RBM26: variants seen among roughly 807,000 people sequenced by gnomAD.
The protein encoded by RBM26 is RNA-binding protein 26.
Under a neutral mutation model 123.6 loss-of-function variants are expected in RBM26, and 30 were observed. The ratio of observed to expected loss-of-function variants is 0.24; its 90% confidence interval spans 0.18 to 0.33. The LOEUF is 0.33. Ranked by LOEUF, RBM26 falls within the 10% of genes least tolerant of loss-of-function variation. RBM26 has a pLI of 1.00. For missense variants in RBM26, 947 were observed against 1,203.6 expected (o/e 0.79, Z 3.15); for synonymous variants, 400 against 404.4 (o/e 0.99, Z 0.13).
intron 2 of RBM26, among the ~76,000 whole-genome samples, chr13:79,378,500 C>T (rs943540045): frequency 7.2e-5 from 11 of 152,086 alleles, no homozygotes; most frequent in Non-Finnish European, 1.5e-4. Context: ...AGTGCAGTAG[C>T]GCGATCTCAG....
intron 20 of RBM26, among the ~76,000 whole-genome samples, chr13:79,331,565 G>A (rs953350097): frequency 6.6e-6 from 1 of 151,728 alleles, no homozygotes; most frequent in African/African-American, 2.4e-5. Context: ...AGCCAAGAGA[G>A]GCGGAGCTTG....
chr13:79,324,344 G>A (rs1355313773), intron 20 of RBM26, among the ~76,000 whole-genome samples: 1 of 151,540 alleles, frequency 6.6e-6, no homozygotes, highest in African/African-American at 2.4e-5. Flanking sequence ...CACTTTTCTT[G>A]AATGGCCATA....
At chr13:79,380,798 G>C (rs1490309102) in intron 1 of RBM26, among the ~76,000 whole-genome samples, 2 of 151,842 alleles carry the variant, frequency 1.3e-5, no homozygotes, top group African/African-American at 4.8e-5. Flanking sequence ...CCCAGCATTT[G>C]GTAACCACTA....
intron 1 of RBM26, among the ~76,000 whole-genome samples, chr13:79,400,813 C>A (rs1400544647): frequency 6.6e-6 from 1 of 152,108 alleles, no homozygotes; most frequent in Non-Finnish European, 1.5e-5. Context: ...TGATTGGTAA[C>A]ACTGAGGTAA....
At chr13:79,381,051 C>T (rs1160385294) in intron 1 of RBM26, among the ~76,000 whole-genome samples, 2 of 151,972 alleles carry the variant, frequency 1.3e-5, no homozygotes, top group Non-Finnish European at 2.9e-5. Flanking sequence ...TAGTTAATTA[C>T]TAACACTTAC....
chr13:79,360,607 A>C (rs2074564576), intron 9 of RBM26, among the ~76,000 whole-genome samples: 1 of 152,092 alleles, frequency 6.6e-6, no homozygotes, highest in Admixed American at 6.6e-5. Context: ...CTAATCCAAT[A>C]ATCTTTGAGA....
chr13:79,379,126 A>G (rs1435945688), intron 1 of RBM26, among the ~76,000 whole-genome samples: 1 of 152,180 alleles, frequency 6.6e-6, no homozygotes. Flanking sequence ...ACCCATCAGT[A>G]TATTAGTTTA....
chr13:79,353,495 TA>T (rs2073554519), intron 13 of RBM26, among the ~76,000 whole-genome samples: 2 of 152,190 alleles, frequency 1.3e-5, no homozygotes, highest in South Asian at 4.1e-4. Flanking sequence ...TGACACAGAA[TA>T]AATTAGGAGA....
rs776461225 is a variant in RBM26, at chr13:79,358,256, C to G, written c.1689+18G>C. 2 of 1,561,314 alleles carry G rather than the reference C, an allele frequency of 1.3e-6. No homozygotes were observed. On this transcript the variant is annotated intron_variant, in intron 11 of 21. Coordinates refer to ENST00000438737, the MANE Select transcript of RBM26 (RefSeq NM_001366735.2). Reference sequence around the variant, plus strand: ...TAAACAGAAAGAAGAGATAACAAAACCATTTCATGGCTCTTACCTGTAAGT... The same window carrying G: ...TAAACAGAAAGAAGAGATAACAAAAGCATTTCATGGCTCTTACCTGTAAGT...
chr13:79,341,140 T>C lies in RBM26; in HGVS notation c.2515A>G (p.Thr839Ala). Residue 839 changes from threonine to alanine, a missense_variant, in exon 18 of 22, where the codon ACA becomes GCA. By Grantham distance (58) the Thr-to-Ala change is moderately conservative. This residue lies in a region of RBM26 where 164 missense variants were observed against 215.3 expected (regional missense o/e 0.76). Transcript: ENST00000438737. ...AAACATACTTCCAGCTGTAATTCTG[T>C]ATACTTTCTCCTAAGTTCAGTGACT... ...EEVTELRRKY[T>A]ELQLEAAKRG... 1 of 1,603,844 alleles carries C rather than the reference T, an allele frequency of 6.2e-7. No individual in the cohort carries two copies. The highest frequency in any genetic ancestry group is 8.5e-7 in the Non-Finnish European group (1 of 1,172,050).
At position 79,342,844 on chromosome 13, in the gene RBM26, TAAA is replaced by T. The variant is rs746681412; in HGVS notation, c.2260-16_2260-14del. 1.3e-6 allele frequency: 2 copies of T among 1,528,608 alleles called. No homozygotes were observed. The highest frequency in any genetic ancestry group is 8.9e-7 in the Non-Finnish European group (1 of 1,121,232). The allele number at this position is 1,528,608 out of a possible 1,614,324, so 94.7% of individuals were successfully genotyped here. A position where few individuals can be genotyped will look rare whatever the true frequency, so the allele number is the denominator to read the frequency against. On this transcript the variant is annotated splice_polypyrimidine_tract_variant and intron_variant, in intron 16 of 21. Coordinates refer to ENST00000438737, the MANE Select transcript of RBM26 (RefSeq NM_001366735.2). ...TTGAAATTAACATCTGCCAAATTTT[TAAA>T]AAGAGAAAAATAAAGCTAATTACTC...
At chr13:79,371,952 AGTGTAC>A in intron 3 of RBM26, 22 bp from the exon 4 acceptor site, 1 of 1,467,104 alleles carries the variant, frequency 6.8e-7, no homozygotes, top group Non-Finnish European at 9.5e-7. Flanking sequence ...AAAAAAAAAA[AGTGTAC>A]AAGTTTAGTA....
Position 79,319,727 on chromosome 13 carries a change from A to C in RBM26, c.*894T>G. 2 of 983,764 alleles carry C rather than the reference A, an allele frequency of 2.0e-6. No homozygotes were observed. Among genetic ancestry groups the C allele is most frequent in the Non-Finnish European group, 2.4e-6 (2 of 828,714 alleles). 60.9% of individuals were successfully genotyped at this position (983,764 alleles called of 1,614,324 possible). A position where few individuals can be genotyped will look rare whatever the true frequency, so the allele number is the denominator to read the frequency against. On this transcript the variant is annotated 3_prime_UTR_variant, in exon 22 of 22. Coordinates refer to ENST00000438737, the MANE Select transcript of RBM26 (RefSeq NM_001366735.2). ...ATTTTAAGACATTTGTTGAAAATTT[A>C]TAGGATCAAACCAAACTCAAGTGGT... is the stretch of plus-strand genomic sequence containing the variant.
intron 5 of RBM26, among the ~76,000 whole-genome samples, chr13:79,369,859 C>T (rs2075699898): frequency 6.6e-6 from 1 of 152,088 alleles, no homozygotes; most frequent in Admixed American, 6.5e-5. Context: ...CAAGATATAA[C>T]ACCTCTGAAA....
intron 1 of RBM26, among the ~76,000 whole-genome samples, chr13:79,396,713 G>A (rs369154837): frequency 2.6e-5 from 4 of 151,928 alleles, no homozygotes; most frequent in South Asian, 2.1e-4. Flanking sequence ...TCAGAAAAAC[G>A]GAGGATAGAA....
intron 14 of RBM26, among the ~76,000 whole-genome samples, chr13:79,346,049 C>A (rs2072275594): frequency 2.0e-5 from 3 of 152,086 alleles, no homozygotes; most frequent in Admixed American, 1.3e-4. Flanking sequence ...TTTCTCAAGT[C>A]ATTGTTTCTA....
At chr13:79,379,785 CCA>C (rs1463142536) in intron 1 of RBM26, among the ~76,000 whole-genome samples, 4 of 150,174 alleles carry the variant, frequency 2.7e-5, no homozygotes, top group East Asian at 1.9e-4. Flanking sequence ...TTCCCCTAAC[CCA>C]CAGTGTTTTT....
intron 20 of RBM26, among the ~76,000 whole-genome samples, chr13:79,331,336 C>T (rs1211571030): frequency 2.0e-5 from 3 of 151,838 alleles, no homozygotes; most frequent in Non-Finnish European, 2.9e-5. Context: ...AATTGTACCT[C>T]GCAGCCAGGC....
chr13:79,320,484 CTTTT>C lies in RBM26; in HGVS notation c.*133_*136del, dbSNP rs1349752878. The stretch of plus-strand genomic sequence containing the variant: ...TACAAGATCAGAAGGTAGTTTTCTT[CTTTT>C]TTGTCTATTTGTGAAATCCATCTTC... On this transcript the variant is annotated 3_prime_UTR_variant, in exon 22 of 22. Coordinates refer to ENST00000438737, the MANE Select transcript of RBM26 (RefSeq NM_001366735.2). The C allele has an allele frequency of 7.9e-7, 1 of 1,266,172 alleles. No homozygotes were observed. The highest frequency in any genetic ancestry group is 1.0e-6 in the Non-Finnish European group (1 of 1,002,122). 78.4% of individuals were successfully genotyped at this position (1,266,172 alleles called of 1,614,324 possible). A position where few individuals can be genotyped will look rare whatever the true frequency, so the allele number is the denominator to read the frequency against.
Sources: gnomAD v4.1 joint callset for allele counts (sites outside exome capture counted in the v4.1 genomes callset) on GRCh38, gnomAD v4.1.1 for gene constraint, gnomAD v4.1.1 regional missense constraint, MANE v1.5 for transcripts, NCBI Gene and HGNC (gene_info 2026-07-23, HGNC 2026-07-21) for gene names.